The following VPS4B variants were observed in gnomAD, a reference collection of about 807,000 sequenced individuals.
VPS4B encodes the protein vacuolar protein sorting-associated protein 4B.
Under a neutral mutation model 56.1 loss-of-function variants are expected in VPS4B, and 23 were observed. The observed-to-expected ratio is 0.41, with a 90% CI of 0.30 to 0.58. The LOEUF (loss-of-function observed/expected upper bound fraction) is 0.58. VPS4B is among the 20% of genes least tolerant of loss of function. The probability of loss-of-function intolerance (pLI) is 0.29; values close to 1 mark genes in which losing one functional copy is unlikely to be tolerated. For synonymous variants in VPS4B, 177 were observed against 186.0 expected (o/e 0.95, Z 0.39); for missense variants, 372 against 531.9 (o/e 0.70, Z 2.96).
intron 4 of VPS4B, among the ~76,000 whole-genome samples, chr18:63,404,297 A>C (rs912625395): frequency 6.6e-6 from 1 of 152,200 alleles, no homozygotes. Flanking sequence ...TGAAAAAAAA[A>C]ATATGCTTAA....
At chr18:63,406,128 G>C (rs1915912198) in intron 4 of VPS4B, among the ~76,000 whole-genome samples, 1 of 152,198 alleles carries the variant, frequency 6.6e-6, no homozygotes, top group South Asian at 2.1e-4. Context: ...CTTTACAACT[G>C]GAATAAGGCC....
intron 9 of VPS4B, 89 bp downstream of exon 9, chr18:63,396,945 G>T (rs1915682963): frequency 7.7e-7 from 1 of 1,300,392 alleles, no homozygotes; most frequent in African/African-American, 1.5e-5. Flanking sequence ...AGCCCAGATA[G>T]TGCCACTGCA....
intron 5 of VPS4B, 120 bp from the exon 6 acceptor site, chr18:63,400,823 A>T (rs550356267): frequency 2.0e-6 from 2 of 1,008,122 alleles, no homozygotes; most frequent in East Asian, 3.0e-5. Flanking sequence ...ACAATATTTT[A>T]AAAATAAATC....
chr18:63,402,055 A>C (rs1915824221), intron 5 of VPS4B, among the ~76,000 whole-genome samples: 1 of 152,176 alleles, frequency 6.6e-6, no homozygotes, highest in Non-Finnish European at 1.5e-5. Context: ...ATGGATGTGT[A>C]CACAGTATCT....
chr18:63,391,521 A>G (rs912350262), intron 10 of VPS4B, among the ~76,000 whole-genome samples: 15 of 152,170 alleles, frequency 9.9e-5, no homozygotes, highest in Non-Finnish European at 2.1e-4. Context: ...GGGCCCCTGC[A>G]CCCGGCCCCT....
At position 63,422,231 on chromosome 18, in the gene VPS4B, A is replaced by G; in HGVS notation, c.27+2T>C. ...AGGGGGACGGGAGATGAGCAATGAT[A>G]CCTGGAGGTTGGGCGAAGTGGATGA... is the stretch of plus-strand genomic sequence containing the variant. On this transcript the variant is annotated splice_donor_variant, in intron 1 of 10. Coordinates refer to ENST00000238497, the MANE Select transcript of VPS4B (RefSeq NM_004869.4). LOFTEE classifies it high-confidence loss of function. The G allele has an allele frequency of 6.6e-7, 1 of 1,512,110 alleles. No individual in the cohort carries two copies. Among genetic ancestry groups the G allele is most frequent in the Non-Finnish European group, 8.9e-7 (1 of 1,128,924 alleles). 93.7% of individuals were successfully genotyped at this position (1,512,110 alleles called of 1,614,324 possible).
intron 3 of VPS4B, among the ~76,000 whole-genome samples, chr18:63,409,742 T>C (rs1915992589): frequency 6.6e-6 from 1 of 152,180 alleles, no homozygotes; most frequent in Non-Finnish European, 1.5e-5. Context: ...ATAAAGCAAA[T>C]CTAACACAAA....
Position 63,407,486 on chromosome 18 carries a change from C to T in VPS4B, c.310G>A (p.Gly104Arg). 2.5e-6 allele frequency: 4 copies of T among 1,608,582 alleles called. No homozygotes were observed. The highest frequency in any genetic ancestry group is 3.4e-6 in the Non-Finnish European group (4 of 1,177,908). The part of the protein sequence containing the change: ...PADEKGNDSD[G>R]EGESDDPEKK... The stretch of plus-strand genomic sequence containing the variant: ...TCAGGATCATCAGATTCTCCTTCCC[C>T]ATCACTGTCATTCCTAATAAAAAGA... The change falls in exon 4 of 11, where the codon GGG becomes AGG. Residue 104 changes from glycine (G) to arginine (R), a missense_variant. Transcript: ENST00000238497.
intron 1 of VPS4B, 49 bp from the exon 2 acceptor site, chr18:63,411,627 A>T: frequency 7.2e-7 from 1 of 1,383,546 alleles, no homozygotes. Context: ...GCATAAACAT[A>T]AATTTGAAGT....
intron 1 of VPS4B, among the ~76,000 whole-genome samples, chr18:63,420,660 A>C: frequency 6.6e-6 from 1 of 152,210 alleles, no homozygotes. Context: ...ACGTTTACCA[A>C]AAAGAACCTT....
intron 8 of VPS4B, among the ~76,000 whole-genome samples, chr18:63,398,221 ATATTTT>A (rs745508686): frequency 6.9e-5 from 10 of 145,414 alleles, no homozygotes; most frequent in African/African-American, 2.6e-4. Flanking sequence ...ATATATATAT[ATATTTT>A]TTTTTGAGAT....
At chr18:63,421,223 C>G (rs1166354576) in intron 1 of VPS4B, among the ~76,000 whole-genome samples, 4 of 151,992 alleles carry the variant, frequency 2.6e-5, no homozygotes, top group Non-Finnish European at 4.4e-5. Context: ...GCCTCCTTTC[C>G]CACTCTTTTT....
intron 1 of VPS4B, among the ~76,000 whole-genome samples, chr18:63,420,175 C>T (rs887435463): frequency 6.6e-6 from 1 of 152,176 alleles, no homozygotes; most frequent in Non-Finnish European, 1.5e-5. Context: ...GGGCCGGGCA[C>T]GGTGGCTCAC....
intron 5 of VPS4B, among the ~76,000 whole-genome samples, chr18:63,402,713 A>G (rs943134615): frequency 6.6e-6 from 1 of 152,222 alleles, no homozygotes; most frequent in Non-Finnish European, 1.5e-5. Context: ...GTTCAACCAT[A>G]TTTTTGTGCT....
intron 5 of VPS4B, among the ~76,000 whole-genome samples, chr18:63,402,715 T>A (rs1915837069): frequency 6.6e-6 from 1 of 152,206 alleles, no homozygotes; most frequent in Admixed American, 6.5e-5. Context: ...TCAACCATAT[T>A]TTTGTGCTTT....
chr18:63,395,403 T>C (rs1915647795), intron 9 of VPS4B, among the ~76,000 whole-genome samples: 2 of 152,242 alleles, frequency 1.3e-5, no homozygotes. Flanking sequence ...ATGAGTATTA[T>C]ATCACTTCAT....
At chr18:63,417,231 AC>A (rs1268133438) in intron 1 of VPS4B, among the ~76,000 whole-genome samples, 5 of 152,108 alleles carry the variant, frequency 3.3e-5, no homozygotes, top group African/African-American at 9.7e-5. Flanking sequence ...GTCTTATTTG[AC>A]AAAACACTGT....
chr18:63,407,053 A>G (rs1267584149), intron 4 of VPS4B, among the ~76,000 whole-genome samples: 1 of 152,248 alleles, frequency 6.6e-6, no homozygotes, highest in Non-Finnish European at 1.5e-5. Flanking sequence ...CAACGGCAAT[A>G]AAAGCCACGT....
intron 1 of VPS4B, among the ~76,000 whole-genome samples, chr18:63,421,348 G>A (rs1472948): frequency 0.45 from 68,726 of 151,960 alleles, 16,473 homozygotes; most frequent in East Asian, 0.84. Flanking sequence ...TGATGCCTCT[G>A]TCAGGCACTC....
Sources: allele counts gnomAD v4.1 joint callset (sites outside exome capture counted in the v4.1 genomes callset), GRCh38; gene constraint gnomAD v4.1.1; transcripts MANE v1.5; gene names NCBI Gene and HGNC (gene_info 2026-07-23, HGNC 2026-07-21).